Variants in SLC44A1 observed in about 807,000 individuals in gnomAD.
SLC44A1 encodes solute carrier family 44 member 1.
SLC44A1 carries 26 observed loss-of-function variants against 79.3 expected under a neutral mutation model. That is an observed-to-expected ratio of 0.33 (90% CI 0.24 to 0.46). SLC44A1 has a LOEUF of 0.46. Among genes scored for constraint, SLC44A1 ranks in the 20% least tolerant of loss-of-function variants. The probability of loss-of-function intolerance (pLI) is 1.00; values close to 1 mark genes in which losing one functional copy is unlikely to be tolerated. For synonymous variants in SLC44A1, 263 were observed against 286.2 expected (o/e 0.92, Z 0.82); for missense variants, 688 against 798.1 (o/e 0.86, Z 1.66).
chr9:105,270,780 C>T (rs965770709), intron 1 of SLC44A1, among the ~76,000 whole-genome samples: 1 of 152,154 alleles, frequency 6.6e-6, no homozygotes, highest in South Asian at 2.1e-4. Flanking sequence ...GGGATTTTGT[C>T]AGGTCTGTTG....
At position 105,389,358 on chromosome 9, in the gene SLC44A1, C is replaced by G; in HGVS notation, c.*302C>G. Reference sequence around the variant, plus strand: ...TTAATGGAAATGTTAAAATTCATATCTGATTAACATTTTTAATAACTTAGA... The same window carrying G: ...TTAATGGAAATGTTAAAATTCATATGTGATTAACATTTTTAATAACTTAGA... On this transcript the variant is annotated 3_prime_UTR_variant, in exon 16 of 16. Coordinates refer to ENST00000374720, the MANE Select transcript of SLC44A1 (RefSeq NM_080546.5). 1 of 1,102,780 alleles carries G rather than the reference C, an allele frequency of 9.1e-7. No homozygotes were observed. Among genetic ancestry groups the G allele is most frequent in the Non-Finnish European group, 1.1e-6 (1 of 905,440 alleles). 68.3% of individuals were successfully genotyped at this position (1,102,780 alleles called of 1,614,324 possible).
chr9:105,430,408 T>C (rs1339017920), intron 15 of SLC44A1, among the ~76,000 whole-genome samples: 1 of 152,144 alleles, frequency 6.6e-6, no homozygotes, highest in Non-Finnish European at 1.5e-5. Context: ...AAAGAGAAAC[T>C]CCATGCCTTT....
chr9:105,369,050 A>C (rs965451945), intron 12 of SLC44A1, among the ~76,000 whole-genome samples: 1 of 151,894 alleles, frequency 6.6e-6, no homozygotes, highest in Non-Finnish European at 1.5e-5. Context: ...AAAAAGAAAG[A>C]AAGCCTGTTG....
intron 1 of SLC44A1, among the ~76,000 whole-genome samples, chr9:105,296,082 A>G (rs913851273): frequency 2.0e-5 from 3 of 152,182 alleles, no homozygotes; most frequent in African/African-American, 4.8e-5. Flanking sequence ...GGATATTTTA[A>G]TAACAGAGAG....
intron 1 of SLC44A1, among the ~76,000 whole-genome samples, chr9:105,250,142 C>G (rs955302321): frequency 2.6e-5 from 4 of 152,024 alleles, no homozygotes; most frequent in African/African-American, 9.7e-5. Flanking sequence ...TCCCAAAGTG[C>G]TAGGATTATA....
At chr9:105,298,111 G>GA (rs3030594) in intron 1 of SLC44A1, among the ~76,000 whole-genome samples, 4,085 of 145,330 alleles carry the variant, frequency 0.028, 131 homozygotes, top group African/African-American at 0.081. Context: ...ATTGAAATAA[G>GA]AAAAAAAAAA....
At chr9:105,327,771 C>A (rs1668872755) in intron 3 of SLC44A1, among the ~76,000 whole-genome samples, 2 of 152,252 alleles carry the variant, frequency 1.3e-5, no homozygotes, top group South Asian at 4.1e-4. Context: ...TTTAGATATC[C>A]CTTCCTCAGG....
rs757783053 is a variant in SLC44A1 at position 105,348,324 on chromosome 9, GT to G, written c.407-32del. ...AATAGTAAGAGAATTTTTTCAGACT[GT>G]TCTGCCACCTAACATAATTTTTCTT... On this transcript the variant is annotated intron_variant, in intron 4 of 15. Coordinates refer to ENST00000374720, the MANE Select transcript of SLC44A1 (RefSeq NM_080546.5). 5.0e-6 allele frequency: 6 copies of G among 1,194,546 alleles called. No homozygotes were observed. The South Asian group carries it at 7.6e-5, about 15-fold the overall frequency. 74.0% of individuals were successfully genotyped at this position (1,194,546 alleles called of 1,614,324 possible).
intron 2 of SLC44A1, among the ~76,000 whole-genome samples, chr9:105,304,944 GTTTTT>G (rs10589897): frequency 1.0e-4 from 2 of 20,078 alleles, no homozygotes; most frequent in African/African-American, 2.7e-4. Flanking sequence ...ACTTTCTATC[GTTTTT>G]TTTTTTTTTT....
chr9:105,390,688 G>T lies in SLC44A1; in HGVS notation c.*1632G>T. On this transcript the variant is annotated 3_prime_UTR_variant, in exon 16 of 16. Transcript: ENST00000374720. ...TATTGGTGTTCTTTACTCTAGCTAG[G>T]CTAAAATTTGCTAAATGCCTTGGTT... is the stretch of plus-strand genomic sequence containing the variant. The T allele has an allele frequency of 1.3e-5, 13 of 985,372 alleles. No individual in the cohort carries two copies. The highest frequency in any genetic ancestry group is 1.6e-5 in the Non-Finnish European group (13 of 829,710). The allele number at this position is 985,372 out of a possible 1,614,324, so 61.0% of individuals were successfully genotyped here.
At chr9:105,421,524 T>C (rs886273293) in intron 15 of SLC44A1, among the ~76,000 whole-genome samples, 2 of 151,678 alleles carry the variant, frequency 1.3e-5, no homozygotes, top group Non-Finnish European at 2.9e-5. Flanking sequence ...ATTCAGAGAA[T>C]AGAGCAGCGA....
chr9:105,332,022 G>A (rs370622330), intron 3 of SLC44A1, among the ~76,000 whole-genome samples: 4 of 152,144 alleles, frequency 2.6e-5, no homozygotes, highest in African/African-American at 9.6e-5. Flanking sequence ...CTAAGGTCAA[G>A]GTCTGTATGT....
chr9:105,412,407 G>A (rs948090209), intron 15 of SLC44A1, among the ~76,000 whole-genome samples: 7 of 152,006 alleles, frequency 4.6e-5, no homozygotes, highest in South Asian at 4.1e-4. Flanking sequence ...ATTCACTGAC[G>A]CAACCAGATG....
chr9:105,331,318 C>T (rs1011881456), intron 3 of SLC44A1, among the ~76,000 whole-genome samples: 18 of 152,188 alleles, frequency 1.2e-4, no homozygotes, highest in African/African-American at 4.1e-4. Context: ...GTATGTGCTG[C>T]ATCTCTTTCC....
intron 4 of SLC44A1, among the ~76,000 whole-genome samples, chr9:105,339,217 C>A (rs988051120): frequency 4.0e-5 from 6 of 151,794 alleles, no homozygotes; most frequent in Non-Finnish European, 7.4e-5. Context: ...TCTAGACTAT[C>A]TGAAGATCTA....
chr9:105,333,386 A>G (rs1369316982), intron 3 of SLC44A1, among the ~76,000 whole-genome samples: 1 of 152,226 alleles, frequency 6.6e-6, no homozygotes, highest in Non-Finnish European at 1.5e-5. Flanking sequence ...CCCACCCCAT[A>G]GAGAAACACA....
chr9:105,337,267 T>C (rs1395366462), intron 4 of SLC44A1, among the ~76,000 whole-genome samples: 1 of 152,186 alleles, frequency 6.6e-6, no homozygotes, highest in African/African-American at 2.4e-5. Flanking sequence ...ATGTTGCTCC[T>C]ACCACTTACT....
chr9:105,294,990 C>G (rs1450407568), intron 1 of SLC44A1, among the ~76,000 whole-genome samples: 1 of 150,158 alleles, frequency 6.7e-6, no homozygotes, highest in Non-Finnish European at 1.5e-5. Context: ...CACTGGTGAG[C>G]CTGAGAAAGG....
intron 3 of SLC44A1, among the ~76,000 whole-genome samples, chr9:105,334,058 T>C (rs999309494): frequency 6.6e-6 from 1 of 152,164 alleles, no homozygotes; most frequent in Admixed American, 6.5e-5. Context: ...GAATGCTTGT[T>C]TCTACTCAGA....
Sources: gnomAD v4.1 joint callset for allele counts (sites outside exome capture counted in the v4.1 genomes callset) on GRCh38, gnomAD v4.1.1 for gene constraint, MANE v1.5 for transcripts, NCBI Gene and HGNC (gene_info 2026-07-23, HGNC 2026-07-21) for gene names.